Variants in SIN3A observed in about 807,000 individuals in gnomAD.
SIN3A encodes the protein paired amphipathic helix protein Sin3a.
In SIN3A, 14 loss-of-function variants were observed where a neutral mutation model predicts 146.1. The ratio of observed to expected loss-of-function variants is 0.10; its 90% CI spans 0.06 to 0.15. The LOEUF (loss-of-function observed/expected upper bound fraction) is 0.15, where lower values mean the gene tolerates loss of function less well. Among genes scored for constraint, SIN3A ranks in the 10% least tolerant of loss-of-function variants. SIN3A has a pLI of 1.00. For synonymous variants in SIN3A, 572 were observed against 572.0 expected, an observed-to-expected ratio of 1.00 and a Z score of 0.00; for missense variants, 1,028 against 1,576.0, an observed-to-expected ratio of 0.65 and a Z score of 5.89.
At chr15:75,424,018 T>C (rs1033757769) in intron 2 of SIN3A, among the ~76,000 whole-genome samples, 5 of 151,834 alleles carry the variant, frequency 3.3e-5, no homozygotes, top group Non-Finnish European at 5.9e-5. Flanking sequence ...AAAAATTATA[T>C]AGTTTATCTC....
At chr15:75,408,909 T>G (rs2073572232) in intron 8 of SIN3A, among the ~76,000 whole-genome samples, 1 of 152,144 alleles carries the variant, frequency 6.6e-6, no homozygotes, top group Non-Finnish European at 1.5e-5. Context: ...ATTTAAAGCA[T>G]CAAAGAAGAA....
chr15:75,450,096 A>G (rs1045943030), intron 1 of SIN3A, among the ~76,000 whole-genome samples: 5 of 152,160 alleles, frequency 3.3e-5, no homozygotes, highest in Non-Finnish European at 5.9e-5. Flanking sequence ...CTAAGTTTAT[A>G]TAGCAGAACC....
At chr15:75,389,296 A>G (rs964731973) in intron 16 of SIN3A, among the ~76,000 whole-genome samples, 2 of 94,204 alleles carry the variant, frequency 2.1e-5, no homozygotes, top group Non-Finnish European at 3.9e-5. Context: ...CCCTGTCTCT[A>G]TTTAAGGAAA....
intron 3 of SIN3A, among the ~76,000 whole-genome samples, chr15:75,415,020 G>A (rs891146605): frequency 6.6e-6 from 1 of 152,180 alleles, no homozygotes; most frequent in Non-Finnish European, 1.5e-5. Context: ...GATTCTGAAA[G>A]GATTTGTAAA....
chr15:75,380,073 T>C (rs574855425), intron 19 of SIN3A, among the ~76,000 whole-genome samples: 6 of 152,368 alleles, frequency 3.9e-5, no homozygotes, highest in African/African-American at 1.4e-4. Flanking sequence ...GGGATTTTGG[T>C]ACATGCTAGG....
At chr15:75,453,980 T>A (rs548884949), upstream of SIN3A, 5 of 152,234 alleles carry the variant, frequency 3.3e-5, no homozygotes, top group Admixed American at 2.0e-4. Context: ...TCGAAGGAGC[T>A]AGGCGGGCCT....
chr15:75,397,936 G>C (rs1324922157), intron 12 of SIN3A, among the ~76,000 whole-genome samples: 4 of 152,196 alleles, frequency 2.6e-5, no homozygotes, highest in African/African-American at 9.6e-5. Context: ...CATCTGTCTT[G>C]ATTTAGCTTT....
chr15:75,435,714 AAG>A (rs1188778600), intron 1 of SIN3A, among the ~76,000 whole-genome samples: 2 of 151,190 alleles, frequency 1.3e-5, no homozygotes, highest in African/African-American at 4.9e-5. Context: ...AAAAAAAAAA[AAG>A]AAGAAGAAAA....
chr15:75,434,403 G>A (rs991070426), intron 1 of SIN3A, among the ~76,000 whole-genome samples: 17 of 151,270 alleles, frequency 1.1e-4, no homozygotes, highest in African/African-American at 3.4e-4. Context: ...TAATCCCAGC[G>A]CTTTGGGAGG....
chr15:75,453,815 TC>T (rs1405914532), upstream of SIN3A: 1 of 152,346 alleles, frequency 6.6e-6, no homozygotes, highest in Non-Finnish European at 1.5e-5. Flanking sequence ...CTCCGGAGTT[TC>T]GCTCCCGAAA....
intron 20 of SIN3A, among the ~76,000 whole-genome samples, 185 bp from the exon 21 acceptor site, chr15:75,372,394 A>G (rs955326014): frequency 7.9e-5 from 12 of 152,190 alleles, no homozygotes; most frequent in Non-Finnish European, 8.8e-5. Flanking sequence ...TTAAAGAGGT[A>G]AGAACATAGA....
In SIN3A at chr15:75,371,889, G is replaced by A. The variant is rs2072757810; in HGVS notation, c.*90C>T. On this transcript the variant is annotated 3_prime_UTR_variant, in exon 21 of 21. Transcript: ENST00000394947. ...CAGAGAGGCCCAGTGAGGCTTGAAA[G>A]GCATCTTCCTTGTTTCTTCAGTGTG... 1 of 1,199,740 alleles carries A rather than the reference G, an allele frequency of 8.3e-7. No homozygotes were observed. Among genetic ancestry groups the A allele is most frequent in the Non-Finnish European group, 1.2e-6 (1 of 828,838 alleles). 74.3% of individuals were successfully genotyped at this position (1,199,740 alleles called of 1,614,324 possible).
intron 1 of SIN3A, among the ~76,000 whole-genome samples, chr15:75,440,950 C>G (rs1266524261): frequency 6.8e-6 from 1 of 146,944 alleles, no homozygotes; most frequent in Non-Finnish European, 1.5e-5. Context: ...CCACTGCACT[C>G]CAGCCTGGGT....
chr15:75,430,900 C>T (rs1421720935), intron 1 of SIN3A, among the ~76,000 whole-genome samples: 2 of 152,040 alleles, frequency 1.3e-5, no homozygotes, highest in African/African-American at 2.4e-5. Context: ...CTCAGCCTCC[C>T]GAGTAGCTGG....
In SIN3A at chr15:75,450,739, G is replaced by T. The variant is rs1458650008; in HGVS notation, c.-34+684C>A. Among the ~76,000 whole-genome samples, 41 of 152,218 alleles carry T rather than the reference G, an allele frequency of 2.7e-4. 1 individual carries two copies. The highest frequency in any genetic ancestry group is 2.7e-3 in the Admixed American group (41 of 15,288). Reference sequence around the variant, plus strand: ...AGTCCTGACACCTCCACAGCTCCCAGTCGGCGGGTGCCCCTCCCTCCCCAC... The same window carrying T: ...AGTCCTGACACCTCCACAGCTCCCATTCGGCGGGTGCCCCTCCCTCCCCAC... On this transcript the variant is annotated intron_variant, in intron 1 of 20. Coordinates refer to ENST00000394947, the MANE Select transcript of SIN3A (RefSeq NM_001145358.2).
chr15:75,373,957 T>C (rs938771967), intron 20 of SIN3A, among the ~76,000 whole-genome samples: 7 of 152,218 alleles, frequency 4.6e-5, no homozygotes, highest in Admixed American at 1.3e-4. Flanking sequence ...AATTATACAT[T>C]AAACTGTCTG....
intron 8 of SIN3A, 102 bp downstream of exon 8, chr15:75,409,734 C>CAA: frequency 3.8e-6 from 5 of 1,324,106 alleles, no homozygotes; most frequent in South Asian, 1.4e-5. Flanking sequence ...CTCAAAAAAA[C>CAA]AAAAAAAAAC....
chr15:75,428,458 T>C (rs1357463547), intron 2 of SIN3A, among the ~76,000 whole-genome samples: 4 of 152,200 alleles, frequency 2.6e-5, no homozygotes. Context: ...GGACTACAGA[T>C]GCACACCACT....
Position 75,412,874 on chromosome 15 carries a change from G to C in SIN3A, c.645C>G (p.Gly215=). The C allele has an allele frequency of 6.2e-7, 1 of 1,613,616 alleles. No homozygotes were observed. Among genetic ancestry groups the C allele is most frequent in the Non-Finnish European group, 8.5e-7 (1 of 1,179,786 alleles). ...PGQVHQIPTH[G]IQPQPQPPPQ... is the part of the protein sequence containing the mutation. ...GTGGTGGTTGAGGCTGTGGCTGGAT[G>C]CCATGGGTGGGAATCTGATGAACCT... is the stretch of plus-strand genomic sequence containing the variant. The change falls in exon 5 of 21, where the codon GGC becomes GGG. Residue 215 remains glycine (G), a synonymous_variant. Coordinates refer to ENST00000394947, the MANE Select transcript of SIN3A (RefSeq NM_001145358.2).
Sources: allele counts gnomAD v4.1 joint callset (sites outside exome capture counted in the v4.1 genomes callset), GRCh38; gene constraint gnomAD v4.1.1; transcripts MANE v1.5; gene names NCBI Gene and HGNC (gene_info 2026-07-23, HGNC 2026-07-21).